PM20D2: variants seen among roughly 807,000 people sequenced by gnomAD.
The protein encoded by PM20D2 is peptidase M20 domain containing 2, also known as xaa-Arg dipeptidase.
A neutral mutation model predicts 42.9 loss-of-function variants in PM20D2; 33 were observed. The ratio of observed to expected loss-of-function variants is 0.77; its 90% CI spans 0.58 to 1.03. The LOEUF is 1.03. Ranked by LOEUF, PM20D2 falls within the 50% of genes least tolerant of loss-of-function variation. PM20D2 has a pLI of 0.00. For missense variants in PM20D2, 548 were observed against 557.0 expected (o/e 0.98, Z 0.16); for synonymous variants, 250 against 228.2 (o/e 1.10, Z -0.86).
the PM20D2 span, among the ~76,000 whole-genome samples, chr6:89,108,885 G>A: frequency 1.3e-5 from 2 of 152,168 alleles, no homozygotes; most frequent in East Asian, 3.8e-4. Context: ...AACAAAAATT[G>A]ACTAAGCATC....
At chr6:89,126,668 T>TAAA in the PM20D2 span, among the ~76,000 whole-genome samples, 19,458 of 104,342 alleles carry the variant, frequency 0.19, 2,432 homozygotes, top group Middle Eastern at 0.26. Context: ...AGACTCCATC[T>TAAA]AAAAAAAAAA....
the PM20D2 span, among the ~76,000 whole-genome samples, chr6:89,109,441 G>A: frequency 2.5e-4 from 24 of 96,592 alleles, no homozygotes; most frequent in Non-Finnish European, 4.3e-4. Flanking sequence ...AGGAGACTGA[G>A]GGTGAGAGAA....
the PM20D2 span, among the ~76,000 whole-genome samples, chr6:89,112,443 C>CT: frequency 7.1e-6 from 1 of 140,478 alleles, no homozygotes; most frequent in Non-Finnish European, 1.6e-5. Context: ...ATTTTCTTTT[C>CT]TTTCTTTTTT....
chr6:89,147,688 C>G (rs955703400), intron 1 of PM20D2, among the ~76,000 whole-genome samples: 1 of 151,466 alleles, frequency 6.6e-6, no homozygotes, highest in African/African-American at 2.4e-5. Flanking sequence ...TCGAGACCCG[C>G]CTGGCCAACA....
At chr6:89,154,701 A>C (rs1770971148) in intron 3 of PM20D2, 47 bp from the exon 4 acceptor site, 2 of 1,374,302 alleles carry the variant, frequency 1.5e-6, no homozygotes, top group Non-Finnish European at 1.9e-6. Context: ...TTAAGCTTAA[A>C]GAAATGGTCA....
Position 89,154,883 on chromosome 6 carries a change from C to T in PM20D2, c.893C>T (p.Ala298Val). Residue 298 changes from alanine (A) to valine (V), a missense_variant, in exon 4 of 7, where the codon GCT (alanine) becomes GTT (valine). Coordinates refer to ENST00000275072, the MANE Select transcript of PM20D2 (RefSeq NM_001010853.3). Reference sequence around the variant, plus strand: ...GCAGAAGATTGCTTCAGAGCTGCAGCTTTGGCTTCAGGGTGCACAGTAAGA... The same window carrying T: ...GCAGAAGATTGCTTCAGAGCTGCAGTTTTGGCTTCAGGGTGCACAGTAAGA... ...KKAEDCFRAA[A>V]LASGCTVEIK... 2 of 1,601,056 alleles carry T rather than the reference C, an allele frequency of 1.2e-6. No homozygotes were observed. Among genetic ancestry groups the T allele is most frequent in the Non-Finnish European group, 1.7e-6 (2 of 1,175,464 alleles).
chr6:89,153,217 G>T, intron 3 of PM20D2, 32 bp downstream of exon 3: 1 of 1,516,802 alleles, frequency 6.6e-7, no homozygotes, highest in South Asian at 1.3e-5. Context: ...TATAATAGAT[G>T]GTGCTTGCTA....
the PM20D2 span, among the ~76,000 whole-genome samples, chr6:89,109,992 G>A: frequency 6.6e-6 from 1 of 152,140 alleles, no homozygotes; most frequent in Non-Finnish European, 1.5e-5. Context: ...TCAGGAGGCT[G>A]AGGCAGGAGA....
chr6:89,124,436 TA>T, the PM20D2 span, among the ~76,000 whole-genome samples: 1 of 152,226 alleles, frequency 6.6e-6, no homozygotes, highest in Non-Finnish European at 1.5e-5. Flanking sequence ...TAAGTCATTA[TA>T]ATATTGTTTC....
chr6:89,123,852 A>G, the PM20D2 span, among the ~76,000 whole-genome samples: 23 of 151,690 alleles, frequency 1.5e-4, no homozygotes, highest in South Asian at 4.8e-3. Context: ...TCTGGGCAAC[A>G]TATGATAACT....
At chr6:89,117,660 G>GAGT in the PM20D2 span, among the ~76,000 whole-genome samples, 2 of 152,040 alleles carry the variant, frequency 1.3e-5, no homozygotes, top group African/African-American at 4.8e-5. Context: ...CTGGGCCGCG[G>GAGT]AGTAGTCCGA....
chr6:89,107,209 C>T, the PM20D2 span: 18 of 1,613,856 alleles, frequency 1.1e-5, no homozygotes, highest in Non-Finnish European at 1.4e-5. Flanking sequence ...GGAATGTAAA[C>T]GTCTACTATA....
At chr6:89,152,945 A>G in intron 2 of PM20D2, 98 bp from the exon 3 acceptor site, 1 of 933,872 alleles carries the variant, frequency 1.1e-6, no homozygotes, top group Non-Finnish European at 1.5e-6. Context: ...AGCAATGTGA[A>G]TTAATTTTGA....
At chr6:89,148,261 G>A (rs867325238) in intron 1 of PM20D2, among the ~76,000 whole-genome samples, 1 of 152,074 alleles carries the variant, frequency 6.6e-6, no homozygotes, top group Non-Finnish European at 1.5e-5. Flanking sequence ...TTACAGGCAT[G>A]AGTCACCGCT....
upstream of PM20D2, among the ~76,000 whole-genome samples, chr6:89,144,902 A>G (rs1451958822): frequency 2.6e-5 from 4 of 152,236 alleles, no homozygotes; most frequent in African/African-American, 9.6e-5. Context: ...TGAGAAAGAA[A>G]GTTTTCAGAC....
the PM20D2 span, chr6:89,097,909 CA>C: frequency 2.6e-5 from 4 of 152,056 alleles, no homozygotes; most frequent in African/African-American, 9.7e-5. Flanking sequence ...ATTCAAAATC[CA>C]GTATTTCTCA....
chr6:89,107,007 C>G, the PM20D2 span: 1 of 850,172 alleles, frequency 1.2e-6, no homozygotes, highest in East Asian at 2.9e-5. Context: ...TTGCCAGCTA[C>G]TGTGGACTGC....
the PM20D2 span, chr6:89,098,794 C>G: frequency 3.7e-6 from 6 of 1,613,942 alleles, no homozygotes; most frequent in Non-Finnish European, 5.1e-6. Context: ...TTCCTATTGA[C>G]TTGGACCTCT....
At chr6:89,145,236 T>C (rs554088922), upstream of PM20D2, among the ~76,000 whole-genome samples, 4 of 152,334 alleles carry the variant, frequency 2.6e-5, no homozygotes, top group Admixed American at 2.6e-4. Flanking sequence ...GCATGACATC[T>C]TGAATTTCTT....
Sources: gnomAD v4.1 joint callset for allele counts (sites outside exome capture counted in the v4.1 genomes callset) on GRCh38, gnomAD v4.1.1 for gene constraint, MANE v1.5 for transcripts, NCBI Gene and HGNC (gene_info 2026-07-23, HGNC 2026-07-21) for gene names.